Variants in EPB41L2 observed in about 807,000 individuals in gnomAD.
The protein encoded by EPB41L2 is erythrocyte membrane protein band 4.1 like 2, also known as band 4.1-like protein 2.
A neutral mutation model predicts 113.0 loss-of-function variants in EPB41L2; 43 were observed. The observed-to-expected ratio is 0.38, with a 90% CI of 0.30 to 0.49. The LOEUF (loss-of-function observed/expected upper bound fraction) is 0.49. Ranked by LOEUF, EPB41L2 falls within the 20% of genes least tolerant of loss-of-function variation. EPB41L2 has a pLI of 0.95. For missense variants in EPB41L2, 1,147 were observed against 1,223.4 expected, an observed-to-expected ratio of 0.94 and a Z score of 0.93; for synonymous variants, 442 against 436.7, an observed-to-expected ratio of 1.01 and a Z score of -0.15.
intron 9 of EPB41L2, among the ~76,000 whole-genome samples, chr6:130,894,732 C>T (rs80282615): frequency 0.025 from 3,760 of 152,152 alleles, 156 homozygotes; most frequent in African/African-American, 0.084. Context: ...CAAGAAAAAA[C>T]GAGCCCACAC....
At position 130,974,717 on chromosome 6, in the gene EPB41L2, C is replaced by CTTTTTTTTTTTTTTTTT. The variant is rs71030723; in HGVS notation, c.-14-18235_-14-18219dup. ...GGCAGCCTCTTTTTTCTTTTCTTTTCTTTTTTTTTTTTTTTTTTTTTTTTT... is the reference window on the plus strand; with the variant it reads ...GGCAGCCTCTTTTTTCTTTTCTTTTCTTTTTTTTTTTTTTTTTTTTTTTTTTTTTTTTTTTTTTTTTT... On this transcript the variant is annotated intron_variant, in intron 1 of 19. Coordinates refer to ENST00000337057, the MANE Select transcript of EPB41L2 (RefSeq NM_001431.4). 1.2e-3 allele frequency among the ~76,000 whole-genome samples: 75 copies of CTTTTTTTTTTTTTTTTT among 64,656 alleles called. 4 individuals carry two copies. Among genetic ancestry groups the CTTTTTTTTTTTTTTTTT allele is most frequent in the Admixed American group, 1.4e-3 (6 of 4,154 alleles). The allele number at this position is 64,656 out of a possible 152,430, so 42.4% of individuals were successfully genotyped here.
chr6:130,892,356 A>C (rs1359316075), intron 10 of EPB41L2, among the ~76,000 whole-genome samples: 1 of 148,456 alleles, frequency 6.7e-6, no homozygotes, highest in Non-Finnish European at 1.5e-5. Context: ...TGACTCTAAT[A>C]AGTGTTCAAT....
chr6:130,989,157 C>A (rs1373557056), intron 1 of EPB41L2, among the ~76,000 whole-genome samples: 1 of 152,134 alleles, frequency 6.6e-6, no homozygotes. Flanking sequence ...TGAACATTCA[C>A]TCATTCAGCA....
Position 130,878,102 on chromosome 6 carries a change from AC to A in EPB41L2, c.2043+1del. 6.3e-7 allele frequency: 1 copy of A among 1,598,384 alleles called. No individual in the cohort carries two copies. The highest frequency in any genetic ancestry group is 1.1e-5 in the South Asian group (1 of 87,450). The stretch of plus-strand genomic sequence containing the variant: ...AGAGCCAACAAATAGCTAATGACAT[AC>A]CCCTTGTGTCTGTAGGGACAGAGGT... On this transcript the variant is annotated splice_donor_variant, in intron 14 of 19. Transcript: ENST00000337057. LOFTEE classifies it high-confidence loss of function.
At chr6:130,875,596 C>G (rs1417346185) in intron 14 of EPB41L2, among the ~76,000 whole-genome samples, 1 of 152,122 alleles carries the variant, frequency 6.6e-6, no homozygotes, top group African/African-American at 2.4e-5. Context: ...TCCTCCTGAC[C>G]ACAATGACAA....
chr6:130,857,189 A>C (rs1306185485), intron 19 of EPB41L2, among the ~76,000 whole-genome samples: 1 of 152,190 alleles, frequency 6.6e-6, no homozygotes, highest in Non-Finnish European at 1.5e-5. Flanking sequence ...CCTTCCCAAC[A>C]CTATTAAAAA....
Position 131,033,516 on chromosome 6 carries a change from AAT to A in EPB41L2, c.-15+29637_-15+29638del, listed in dbSNP as rs142854552. ...CAATGTTCATAACAGCATTATTCAC[AAT>A]AGACAAAAGGTAGAAACAAAAATGT... On this transcript the variant is annotated intron_variant, in intron 1 of 19. Coordinates refer to ENST00000337057, the MANE Select transcript of EPB41L2 (RefSeq NM_001431.4). 0.012 allele frequency among the ~76,000 whole-genome samples: 1,788 copies of A among 152,352 alleles called. 191 individuals are homozygous for A. The East Asian group carries it at 0.27, about 23-fold the overall frequency.
At chr6:131,048,229 AATT>A (rs1204252605) in intron 1 of EPB41L2, among the ~76,000 whole-genome samples, 3 of 152,206 alleles carry the variant, frequency 2.0e-5, no homozygotes, top group Admixed American at 6.5e-5. Context: ...TAGGAAAAAA[AATT>A]ATACAACATC....
chr6:130,869,365 C>T (rs1582882439), intron 15 of EPB41L2, among the ~76,000 whole-genome samples, 198 bp downstream of exon 15: 2 of 152,176 alleles, frequency 1.3e-5, no homozygotes, highest in African/African-American at 2.4e-5. Flanking sequence ...GTCCAGTGGC[C>T]GCAGAGAAGC....
At chr6:131,006,556 G>A (rs1785578248) in intron 1 of EPB41L2, among the ~76,000 whole-genome samples, 1 of 151,310 alleles carries the variant, frequency 6.6e-6, no homozygotes, top group African/African-American at 2.4e-5. Context: ...TGTATTTCCA[G>A]CTACTCAGGA....
At chr6:130,880,483 T>C (rs376402662) in intron 12 of EPB41L2, 3 of 652,080 alleles carry the variant, frequency 4.6e-6, no homozygotes, top group African/African-American at 3.6e-5. Context: ...TCTTCTTCCA[T>C]CTTCGCCTGA....
intron 3 of EPB41L2, among the ~76,000 whole-genome samples, chr6:130,929,880 CACACACACACACACACAT>C (rs1207573928): frequency 3.4e-5 from 5 of 147,612 alleles, no homozygotes; most frequent in South Asian, 4.5e-4. Context: ...CACACACACA[CACACACACACACACACAT>C]ACACGCACAG....
intron 1 of EPB41L2, among the ~76,000 whole-genome samples, chr6:130,999,078 A>C (rs183830592): frequency 1.1e-3 from 171 of 152,214 alleles, no homozygotes; most frequent in African/African-American, 3.9e-3. Context: ...TAGAATGCCC[A>C]TAATGACGAG....
chr6:131,043,231 G>A (rs1484909033), intron 1 of EPB41L2, among the ~76,000 whole-genome samples: 1 of 152,126 alleles, frequency 6.6e-6, no homozygotes, highest in Non-Finnish European at 1.5e-5. Flanking sequence ...AACCCGGGAT[G>A]CAGAGGTTGC....
At chr6:130,995,979 T>C (rs1257979556) in intron 1 of EPB41L2, among the ~76,000 whole-genome samples, 1 of 152,246 alleles carries the variant, frequency 6.6e-6, no homozygotes, top group East Asian at 1.9e-4. Flanking sequence ...TTGTTTTTCC[T>C]GTTCTATTAT....
intron 14 of EPB41L2, among the ~76,000 whole-genome samples, chr6:130,873,186 T>A (rs1002275568): frequency 3.9e-5 from 6 of 152,080 alleles, no homozygotes; most frequent in Non-Finnish European, 8.8e-5. Context: ...GTCCCCTTTT[T>A]TTGCAAAAAG....
At chr6:131,041,958 T>A (rs189368272) in intron 1 of EPB41L2, among the ~76,000 whole-genome samples, 12 of 152,320 alleles carry the variant, frequency 7.9e-5, no homozygotes, top group African/African-American at 2.6e-4. Flanking sequence ...TGGTTTTCAT[T>A]TTGTTTAATG....
At chr6:130,935,425 G>A (rs754132081) in intron 3 of EPB41L2, among the ~76,000 whole-genome samples, 29 of 152,266 alleles carry the variant, frequency 1.9e-4, no homozygotes, top group Non-Finnish European at 4.3e-4. Flanking sequence ...CCAGTCTGCT[G>A]GGTTTTGAAA....
At chr6:130,957,718 A>C (rs904358090) in intron 1 of EPB41L2, among the ~76,000 whole-genome samples, 8 of 152,184 alleles carry the variant, frequency 5.3e-5, no homozygotes, top group Admixed American at 5.2e-4. Flanking sequence ...AAGCTTTATT[A>C]AGATATAATT....
Sources: gnomAD v4.1 joint callset for allele counts (sites outside exome capture counted in the v4.1 genomes callset) on GRCh38, gnomAD v4.1.1 for gene constraint, MANE v1.5 for transcripts, NCBI Gene and HGNC (gene_info 2026-07-23, HGNC 2026-07-21) for gene names.